The following AKAP12 variants were observed in gnomAD, a reference collection of about 807,000 sequenced individuals.
The protein encoded by AKAP12 is A-kinase anchor protein 12.
In AKAP12, 32 loss-of-function variants were observed where a neutral mutation model predicts 79.9. The observed-to-expected ratio is 0.40, with a 90% CI of 0.30 to 0.54. The LOEUF is 0.54. Ranked by LOEUF, AKAP12 falls within the 20% of genes least tolerant of loss-of-function variation. AKAP12 has a pLI of 0.48. For synonymous variants in AKAP12, 808 were observed against 857.0 expected (o/e 0.94, Z 1.00); for missense variants, 2,074 against 2,177.0 (o/e 0.95, Z 0.94).
At position 151,240,590 on chromosome 6, in the gene AKAP12, C is replaced by T; in HGVS notation, c.28C>T (p.Arg10Cys). 3.5e-6 allele frequency: 5 copies of T among 1,438,226 alleles called. 1 individual carries two copies. The highest frequency in any genetic ancestry group is 2.8e-5 in the Admixed American group (1 of 36,014). The allele number at this position is 1,438,226 out of a possible 1,614,324, so 89.1% of individuals were successfully genotyped here. A position where few individuals can be genotyped will look rare whatever the true frequency, so the allele number is the denominator to read the frequency against. The change falls in exon 2 of 5, where the codon CGC becomes TGC. Residue 10 changes from arginine to cysteine, a missense_variant. Around this residue, in one of 3 missense-constraint regions of AKAP12, gnomAD observed 1,428 missense variants for 1,451.0 expected, o/e 0.98. Coordinates refer to ENST00000402676, the MANE Select transcript of AKAP12 (RefSeq NM_005100.4). ...GGGCGCCGGGAGCTCCACCGAGCAG[C>T]GCAGCCCGGAGCAGCCGCCCGAGGG... is the stretch of plus-strand genomic sequence containing the variant. MGAGSSTEQRSPEQPPEGSS... is the reference protein window; with the variant it reads MGAGSSTEQCSPEQPPEGSS...
chr6:151,275,860 T>G (rs1776283539), intron 2 of AKAP12, among the ~76,000 whole-genome samples: 1 of 152,230 alleles, frequency 6.6e-6, no homozygotes, highest in South Asian at 2.1e-4. Flanking sequence ...TTATTTTTGT[T>G]GAATGGTTTT....
At position 151,295,156 on chromosome 6, in the gene AKAP12, A is replaced by G. The variant is rs9383878; in HGVS notation, c.163-10591A>G. On this transcript the variant is annotated intron_variant, in intron 2 of 4. Coordinates refer to ENST00000402676, the MANE Select transcript of AKAP12 (RefSeq NM_005100.4). ...GAGAATTTAGAGGCCTAATTTGTAGACAACATTCCTGATAAAATGAGTTCA... is the reference window on the plus strand; with the variant it reads ...GAGAATTTAGAGGCCTAATTTGTAGGCAACATTCCTGATAAAATGAGTTCA... Among the ~76,000 whole-genome samples the G allele has an allele frequency of 9.2e-5, 14 of 152,064 alleles. 1 individual carries two copies. In the South Asian group the frequency reaches 2.9e-3, roughly 32 times the overall value.
At position 151,351,272 on chromosome 6, in the gene AKAP12, C is replaced by T. The variant is rs369546793; in HGVS notation, c.2881C>T (p.Arg961Trp). ...ACCTCTGCCAGAGAACAGAGAGGCC[C>T]GGGGCGACACGGTCGTTAGTGAGGC... ...TEPLPENREA[R>W]GDTVVSEAEL... The change falls in exon 4 of 5, where the codon CGG (arginine) becomes TGG (tryptophan). Residue 961 changes from arginine (R) to tryptophan (W), a missense_variant. Physicochemically the swap from Arg to Trp is moderately radical, Grantham distance 101. Transcript: ENST00000402676. This position sits in a 1 kb window ranked among gnomAD's most constrained non-coding sequence, Gnocchi z 4.4. 123 of 1,614,112 alleles carry T rather than the reference C, an allele frequency of 7.6e-5. No homozygotes were observed. Among genetic ancestry groups the T allele is most frequent in the Non-Finnish European group, 9.1e-5 (107 of 1,180,036 alleles).
Position 151,353,359 on chromosome 6 carries a change from G to A in AKAP12, c.4968G>A (p.Leu1656=), listed in dbSNP as rs1202602565. Residue 1656 remains leucine, a synonymous_variant, in exon 4 of 5, where the codon CTG becomes CTA. Coordinates refer to ENST00000402676, the MANE Select transcript of AKAP12 (RefSeq NM_005100.4). ...VEGSTVNDQQ[L]EEVVLPSEEE... ...GTTCCACTGTAAATGATCAGCAGCTGGAAGAGGTCGTCCTCCCATCTGAGG... is the reference window on the plus strand; with the variant it reads ...GTTCCACTGTAAATGATCAGCAGCTAGAAGAGGTCGTCCTCCCATCTGAGG... The A allele has an allele frequency of 1.9e-6, 3 of 1,614,076 alleles. No homozygotes were observed. Among genetic ancestry groups the A allele is most frequent in the South Asian group, 2.2e-5 (2 of 91,082 alleles).
At chr6:151,321,516 T>C (rs188023620) in intron 3 of AKAP12, among the ~76,000 whole-genome samples, 27 of 152,308 alleles carry the variant, frequency 1.8e-4, no homozygotes, top group Non-Finnish European at 1.5e-4. Flanking sequence ...TTCAGTACTT[T>C]ATTTCTTATT....
intron 2 of AKAP12, among the ~76,000 whole-genome samples, chr6:151,254,619 G>A (rs1018536094): frequency 2.0e-5 from 3 of 152,174 alleles, no homozygotes; most frequent in African/African-American, 7.2e-5. Context: ...GGGATCAAAG[G>A]TGTGAACCAC....
intron 2 of AKAP12, among the ~76,000 whole-genome samples, chr6:151,303,321 A>G (rs1213206796): frequency 6.6e-6 from 1 of 152,216 alleles, no homozygotes; most frequent in Non-Finnish European, 1.5e-5. Flanking sequence ...CCCATCTTTC[A>G]TATTTTGGTA....
intron 3 of AKAP12, among the ~76,000 whole-genome samples, chr6:151,321,038 G>A (rs531875952): frequency 6.6e-6 from 1 of 151,448 alleles, no homozygotes; most frequent in Non-Finnish European, 1.5e-5. Flanking sequence ...CCAGGCTGGA[G>A]TGCAATGACG....
intron 3 of AKAP12, among the ~76,000 whole-genome samples, chr6:151,346,178 C>T (rs1052589075): frequency 5.3e-5 from 8 of 152,180 alleles, no homozygotes; most frequent in Admixed American, 5.2e-4. Flanking sequence ...TGCCAGGTAC[C>T]TCTGGTTGTT....
chr6:151,352,522 A>G lies in AKAP12; in HGVS notation c.4131A>G (p.Thr1377=), dbSNP rs1468789407. 7 of 1,614,206 alleles carry G rather than the reference A, an allele frequency of 4.3e-6. No homozygotes were observed. Among genetic ancestry groups the G allele is most frequent in the Non-Finnish European group, 5.9e-6 (7 of 1,180,036 alleles). Residue 1377 remains threonine, a synonymous_variant, in exon 4 of 5, where the codon ACA becomes ACG. Coordinates refer to ENST00000402676, the MANE Select transcript of AKAP12 (RefSeq NM_005100.4). ...SEEVSKQLLQ[T]VNVPIIDGAK... Reference sequence around the variant, plus strand: ...AGGTCAGTAAGCAGCTCCTCCAGACAGTGAATGTGCCCATCATAGATGGGG... The same window carrying G: ...AGGTCAGTAAGCAGCTCCTCCAGACGGTGAATGTGCCCATCATAGATGGGG...
chr6:151,338,650 C>T (rs1005272074), intron 3 of AKAP12, among the ~76,000 whole-genome samples: 2 of 152,074 alleles, frequency 1.3e-5, no homozygotes, highest in Admixed American at 1.3e-4. Flanking sequence ...TGGGTTTCAC[C>T]ATATTGGCCA....
chr6:151,351,805 T>A lies in AKAP12; in HGVS notation c.3414T>A (p.Thr1138=), dbSNP rs1254980401. 6.2e-7 allele frequency: 1 copy of A among 1,613,774 alleles called. No individual in the cohort carries two copies. Among genetic ancestry groups the A allele is most frequent in the Non-Finnish European group, 8.5e-7 (1 of 1,179,990 alleles). ...TAGAGTCCAGTGAGCTTGTAACCACTTGTCAAGCCGAAACCTTAGCTGGGG... is the reference window on the plus strand; with the variant it reads ...TAGAGTCCAGTGAGCTTGTAACCACATGTCAAGCCGAAACCTTAGCTGGGG... The part of the protein sequence containing the change: ...ESIESSELVT[T]CQAETLAGVK... The change falls in exon 4 of 5, where the codon ACT becomes ACA. Residue 1138 remains threonine, a synonymous_variant. Coordinates refer to ENST00000402676, the MANE Select transcript of AKAP12 (RefSeq NM_005100.4). This position sits in a 1 kb window ranked among gnomAD's most constrained non-coding sequence, Gnocchi z 4.4.
chr6:151,276,210 A>C (rs986960059), intron 2 of AKAP12, among the ~76,000 whole-genome samples: 15 of 151,586 alleles, frequency 9.9e-5, no homozygotes, highest in Admixed American at 2.6e-4. Flanking sequence ...ATGTTCCTGA[A>C]CACCCTTTAA....
intron 3 of AKAP12, among the ~76,000 whole-genome samples, chr6:151,309,526 A>G (rs370765273): frequency 3.2e-4 from 48 of 152,308 alleles, no homozygotes; most frequent in African/African-American, 1.1e-3. Context: ...TCTTTCTAAA[A>G]CTGGAAATAC....
chr6:151,335,798 G>A (rs1457063505), intron 3 of AKAP12, among the ~76,000 whole-genome samples: 1 of 152,052 alleles, frequency 6.6e-6, no homozygotes, highest in Non-Finnish European at 1.5e-5. Flanking sequence ...AGATTCAGGG[G>A]ATACATATAT....
Position 151,344,965 on chromosome 6 carries a change from TTA to T in AKAP12, c.320-3741_320-3740del, listed in dbSNP as rs1562749753. 2.6e-5 allele frequency among the ~76,000 whole-genome samples: 4 copies of T among 152,194 alleles called. No homozygotes were observed. The South Asian group carries it at 8.3e-4, about 32-fold the overall frequency. ...TTAAATTGTTTTCAGAGTAATAAGA[TTA>T]TATAATTGGAAGGAATGTATGGATT... On this transcript the variant is annotated intron_variant, in intron 3 of 4. Coordinates refer to ENST00000402676, the MANE Select transcript of AKAP12 (RefSeq NM_005100.4).
intron 3 of AKAP12, among the ~76,000 whole-genome samples, chr6:151,346,174 G>T (rs1382225988): frequency 2.0e-5 from 3 of 152,112 alleles, no homozygotes; most frequent in East Asian, 1.9e-4. Context: ...ATCATGCCAG[G>T]TACCTCTGGT....
chr6:151,263,396 G>A (rs952833934), intron 2 of AKAP12, among the ~76,000 whole-genome samples: 3 of 152,074 alleles, frequency 2.0e-5, no homozygotes, highest in African/African-American at 7.2e-5. Context: ...TTAGTGGCAG[G>A]AGAATTACCA....
At chr6:151,272,647 T>C (rs1294950920) in intron 2 of AKAP12, among the ~76,000 whole-genome samples, 4 of 152,178 alleles carry the variant, frequency 2.6e-5, no homozygotes, top group Non-Finnish European at 5.9e-5. Flanking sequence ...GTGATTTTCC[T>C]GCCTCAGCCT....
Sources: allele counts gnomAD v4.1 joint callset (sites outside exome capture counted in the v4.1 genomes callset), GRCh38; gene constraint gnomAD v4.1.1; regional missense constraint gnomAD v4.1.1; non-coding constraint Gnocchi (gnomAD v3.1); transcripts MANE v1.5; gene names NCBI Gene and HGNC (gene_info 2026-07-23, HGNC 2026-07-21).